ABHD12: variants seen among roughly 807,000 people sequenced by gnomAD.
ABHD12 encodes lysophosphatidylserine lipase ABHD12.
Under a neutral mutation model 58.3 loss-of-function variants are expected in ABHD12, and 43 were observed. That is an observed-to-expected ratio of 0.74 (90% CI 0.58 to 0.95). The LOEUF is 0.95. Ranked by LOEUF, ABHD12 falls within the 40% of genes least tolerant of loss-of-function variation. The pLI, the probability that ABHD12 is intolerant of heterozygous loss-of-function variation, is 0.00. For synonymous variants in ABHD12, 219 were observed against 211.2 expected, an observed-to-expected ratio of 1.04 and a Z score of -0.32; for missense variants, 539 against 537.2, an observed-to-expected ratio of 1.00 and a Z score of -0.03.
chr20:25,294,888 A>T, exon 13 of ABHD12: 2 of 1,475,968 alleles, frequency 1.4e-6, no homozygotes, highest in Non-Finnish European at 1.9e-6. Context: ...CTGGGAATTC[A>T]CCTGCCCTCC....
chr20:25,319,570 C>T (rs1297697638), intron 4 of ABHD12, among the ~76,000 whole-genome samples: 1 of 152,220 alleles, frequency 6.6e-6, no homozygotes, highest in Non-Finnish European at 1.5e-5. Context: ...CTGTCTGCCA[C>T]CTGGAGCTAT....
intron 1 of ABHD12, among the ~76,000 whole-genome samples, chr20:25,366,234 A>T (rs2146097255): frequency 6.7e-6 from 1 of 150,140 alleles, no homozygotes. Context: ...CATCATGCAA[A>T]TTTTTTTCAT....
At chr20:25,295,873 G>C (rs1046407044), downstream of ABHD12, among the ~76,000 whole-genome samples, 3 of 152,346 alleles carry the variant, frequency 2.0e-5, no homozygotes, top group East Asian at 5.8e-4. Context: ...GAAAAAAACA[G>C]CTCCTAATGG....
At chr20:25,366,560 C>T (rs1371166514) in intron 1 of ABHD12, among the ~76,000 whole-genome samples, 2 of 152,150 alleles carry the variant, frequency 1.3e-5, no homozygotes, top group Non-Finnish European at 2.9e-5. Context: ...ACCACTGCAC[C>T]CATTTTTCTT....
intron 1 of ABHD12, among the ~76,000 whole-genome samples, chr20:25,382,891 C>A (rs992656746): frequency 6.6e-6 from 1 of 152,060 alleles, no homozygotes; most frequent in African/African-American, 2.4e-5. Context: ...TGGAGTGCAG[C>A]ATTGATAAGG....
chr20:25,323,261 C>T, intron 3 of ABHD12, 64 bp downstream of exon 3: 1 of 988,860 alleles, frequency 1.0e-6, no homozygotes, highest in South Asian at 1.3e-5. Flanking sequence ...AAAGACAGCA[C>T]CAGCTCAGTC....
chr20:25,315,850 C>A (rs550291897), intron 5 of ABHD12, among the ~76,000 whole-genome samples: 1 of 152,352 alleles, frequency 6.6e-6, no homozygotes, highest in African/African-American at 2.4e-5. Flanking sequence ...TGTGCCCCTG[C>A]CTCTGTCTGT....
At chr20:25,318,908 T>C (rs2089014224) in intron 4 of ABHD12, among the ~76,000 whole-genome samples, 1 of 152,198 alleles carries the variant, frequency 6.6e-6, no homozygotes, top group African/African-American at 2.4e-5. Flanking sequence ...TCACGGGCCA[T>C]GCCGCCAGGC....
chr20:25,335,742 G>A (rs928665797), intron 2 of ABHD12, among the ~76,000 whole-genome samples: 5 of 148,484 alleles, frequency 3.4e-5, no homozygotes, highest in Middle Eastern at 3.4e-3. Context: ...TCACTCATAG[G>A]TGGGAATCGA....
chr20:25,339,007 T>C lies in ABHD12; in HGVS notation c.316+220A>G, dbSNP rs1041607858. On this transcript the variant is annotated intron_variant, in intron 2 of 12. Coordinates refer to ENST00000339157, the MANE Select transcript of ABHD12 (RefSeq NM_001042472.3). ...CAGCTGGGAAGGGGCACAGGGACCT[T>C]TTTGGGTAATAAAAGCATTCTAGTT... is the stretch of plus-strand genomic sequence containing the variant. 3.0e-6 allele frequency: 4 copies of C among 1,321,272 alleles called. No individual in the cohort carries two copies. The African/African-American group carries it at 6.0e-5, about 20-fold the overall frequency. 81.8% of individuals were successfully genotyped at this position (1,321,272 alleles called of 1,614,324 possible). A position where few individuals can be genotyped will look rare whatever the true frequency, so the allele number is the denominator to read the frequency against.
intron 1 of ABHD12, among the ~76,000 whole-genome samples, chr20:25,372,484 C>T (rs906074244): frequency 2.0e-5 from 3 of 152,038 alleles, no homozygotes; most frequent in East Asian, 1.9e-4. Context: ...GGATTACAGG[C>T]GTGAGCCACC....
intron 11 of ABHD12, chr20:25,303,143 T>C (rs1186400131): frequency 1.0e-5 from 9 of 903,802 alleles, no homozygotes; most frequent in East Asian, 7.1e-5. Flanking sequence ...ACCCCTGCAA[T>C]GGGCTTGGGA....
chr20:25,305,895 G>C (rs2088728319), intron 10 of ABHD12, among the ~76,000 whole-genome samples: 1 of 152,158 alleles, frequency 6.6e-6, no homozygotes, highest in Non-Finnish European at 1.5e-5. Flanking sequence ...GCAGGGCTCA[G>C]TGGCTCACGC....
intron 1 of ABHD12, 136 bp downstream of exon 1, chr20:25,390,377 C>G: frequency 1.1e-6 from 1 of 895,264 alleles, no homozygotes; most frequent in Non-Finnish European, 1.5e-6. Context: ...GACACAGGCG[C>G]GGACGGGGGC....
intron 2 of ABHD12, among the ~76,000 whole-genome samples, chr20:25,336,542 G>A (rs1037632797): frequency 6.6e-6 from 1 of 152,180 alleles, no homozygotes; most frequent in Admixed American, 6.5e-5. Flanking sequence ...GCCCAGGTCA[G>A]GCTTCTTGTC....
At chr20:25,333,730 A>T (rs2089316350) in intron 2 of ABHD12, among the ~76,000 whole-genome samples, 1 of 152,062 alleles carries the variant, frequency 6.6e-6, no homozygotes, top group South Asian at 2.1e-4. Flanking sequence ...CAATAGATGC[A>T]GAAAAGGCCT....
chr20:25,309,421 G>A, intron 7 of ABHD12, 25 bp downstream of exon 7: 1 of 1,613,738 alleles, frequency 6.2e-7, no homozygotes, highest in Non-Finnish European at 8.5e-7. Flanking sequence ...CCCACTAAAG[G>A]CTGCCTCCTG....
chr20:25,390,769 AGCC>A lies in ABHD12; in HGVS notation c.-69_-67del. The A allele has an allele frequency of 3.7e-6, 4 of 1,077,906 alleles. No homozygotes were observed. The highest frequency in any genetic ancestry group is 4.7e-6 in the Non-Finnish European group (4 of 856,232). 66.8% of individuals were successfully genotyped at this position (1,077,906 alleles called of 1,614,324 possible). On this transcript the variant is annotated 5_prime_UTR_variant, in exon 1 of 13. Coordinates refer to ENST00000339157, the MANE Select transcript of ABHD12 (RefSeq NM_001042472.3). ...CCTGCGCCGCAGTGCCGCCGCTCAC[AGCC>A]GCCGCCACCCAGAGCCCGGAGCCCG...
chr20:25,365,180 C>A lies in ABHD12; in HGVS notation c.191+25333G>T, dbSNP rs975550037. Among the ~76,000 whole-genome samples, 6 of 152,330 alleles carry A rather than the reference C, an allele frequency of 3.9e-5. No homozygotes were observed. The South Asian group carries it at 1.2e-3, about 32-fold the overall frequency. On this transcript the variant is annotated intron_variant, in intron 1 of 12. Coordinates refer to ENST00000339157, the MANE Select transcript of ABHD12 (RefSeq NM_001042472.3). ...TAACAATAGCTTTTTTGAAAAAGGTCATATGTTTACATAGTTCAAAAATTA... is the reference window on the plus strand; with the variant it reads ...TAACAATAGCTTTTTTGAAAAAGGTAATATGTTTACATAGTTCAAAAATTA...
Sources: allele counts gnomAD v4.1 joint callset (sites outside exome capture counted in the v4.1 genomes callset), GRCh38; gene constraint gnomAD v4.1.1; transcripts MANE v1.5; gene names NCBI Gene and HGNC (gene_info 2026-07-23, HGNC 2026-07-21).